The following ALDH1A2 variants were observed in gnomAD, a reference collection of about 807,000 sequenced individuals.
ALDH1A2 encodes the protein retinal dehydrogenase 2.
ALDH1A2 carries 27 observed loss-of-function variants against 60.3 expected under a neutral mutation model. The observed-to-expected ratio is 0.45, with a 90% CI of 0.33 to 0.62. ALDH1A2 has a LOEUF of 0.62. Ranked by LOEUF, ALDH1A2 falls within the 20% of genes least tolerant of loss-of-function variation. The pLI is 0.02. For synonymous variants in ALDH1A2, 289 were observed against 232.4 expected (o/e 1.24, Z -2.21); for missense variants, 581 against 643.8 (o/e 0.90, Z 1.06).
At chr15:58,058,090 G>A (rs1896940645) in intron 1 of ALDH1A2, 3 of 1,533,216 alleles carry the variant, frequency 2.0e-6, no homozygotes, top group Non-Finnish European at 1.7e-6. Context: ...GATTCTGCCA[G>A]CAAGTCCAAT....
At chr15:58,058,096 C>G (rs1216110770) in intron 1 of ALDH1A2, 1 of 1,530,818 alleles carries the variant, frequency 6.5e-7, no homozygotes, top group South Asian at 1.2e-5. Context: ...GCCAGCAAGT[C>G]CAATTTTCAC....
intron 3 of ALDH1A2, 97 bp from the exon 4 acceptor site, chr15:58,010,875 A>AAT: frequency 6.8e-7 from 1 of 1,473,578 alleles, no homozygotes; most frequent in Non-Finnish European, 9.4e-7. Context: ...AGAGAATACA[A>AAT]ATGCATATGG....
At chr15:57,960,946 C>G in intron 11 of ALDH1A2, 102 bp from the exon 12 acceptor site, 2 of 1,370,330 alleles carry the variant, frequency 1.5e-6, no homozygotes, top group Admixed American at 4.1e-5. Context: ...AAATTCCTTT[C>G]CTCCAGAGGA....
At chr15:58,041,849 C>G (rs1255760264) in intron 1 of ALDH1A2, among the ~76,000 whole-genome samples, 1 of 151,836 alleles carries the variant, frequency 6.6e-6, no homozygotes, top group African/African-American at 2.4e-5. Flanking sequence ...TACATACATA[C>G]CTAGGATCAA....
At chr15:58,017,211 A>G (rs1895813098) in intron 1 of ALDH1A2, among the ~76,000 whole-genome samples, 1 of 152,194 alleles carries the variant, frequency 6.6e-6, no homozygotes, top group South Asian at 2.1e-4. Flanking sequence ...ATCATTTAGT[A>G]TTTTGCACAA....
At position 57,980,318 on chromosome 15, in the gene ALDH1A2, T is replaced by C. The variant is rs74653267; in HGVS notation, c.798+12387A>G. 1,123 of 420,700 alleles carry C rather than the reference T, an allele frequency of 2.7e-3. 15 individuals are homozygous for C. Among genetic ancestry groups the C allele is most frequent in the African/African-American group, 0.021 (1,057 of 49,178 alleles). The allele number at this position is 420,700 out of a possible 1,614,324, so 26.1% of individuals were successfully genotyped here. ...CCTCATGTTCCCACTCTCAAACAGG[T>C]TGTTGGCCTTGAACAGGTCCATGGG... is the stretch of plus-strand genomic sequence containing the variant. On this transcript the variant is annotated intron_variant, in intron 7 of 12. Transcript: ENST00000249750.
intron 7 of ALDH1A2, among the ~76,000 whole-genome samples, chr15:57,983,169 A>C (rs537295286): frequency 6.6e-6 from 1 of 152,248 alleles, no homozygotes; most frequent in African/African-American, 2.4e-5. Flanking sequence ...TATTGAAAGG[A>C]AACAGTGAAA....
chr15:58,030,977 A>G (rs1013043566), intron 1 of ALDH1A2, among the ~76,000 whole-genome samples: 11 of 152,298 alleles, frequency 7.2e-5, no homozygotes, highest in African/African-American at 2.6e-4. Context: ...TATAGATTCA[A>G]TGCCATCCCC....
At chr15:57,956,290 G>A (rs1249654768) in intron 12 of ALDH1A2, among the ~76,000 whole-genome samples, 1 of 152,178 alleles carries the variant, frequency 6.6e-6, no homozygotes, top group Non-Finnish European at 1.5e-5. Context: ...ATATCTTCTA[G>A]ATCAGGAAAA....
At chr15:58,060,235 T>A (rs912379900) in intron 1 of ALDH1A2, among the ~76,000 whole-genome samples, 1 of 152,196 alleles carries the variant, frequency 6.6e-6, no homozygotes, top group Non-Finnish European at 1.5e-5. Context: ...GATCACATAA[T>A]TCTGATCTTC....
At chr15:57,987,422 A>C (rs1218784394) in intron 7 of ALDH1A2, among the ~76,000 whole-genome samples, 16 of 152,222 alleles carry the variant, frequency 1.1e-4, no homozygotes, top group Non-Finnish European at 1.5e-5. Flanking sequence ...GGGGGAAAAG[A>C]AACATTACTT....
intron 1 of ALDH1A2, among the ~76,000 whole-genome samples, chr15:58,049,019 C>T (rs1896707397): frequency 6.6e-6 from 1 of 151,988 alleles, no homozygotes; most frequent in African/African-American, 2.4e-5. Flanking sequence ...GATCTGCTTT[C>T]TGGCACTATA....
At chr15:58,010,932 A>G (rs1895615826) in intron 3 of ALDH1A2, among the ~76,000 whole-genome samples, 154 bp from the exon 4 acceptor site, 1 of 152,308 alleles carries the variant, frequency 6.6e-6, no homozygotes, top group African/African-American at 2.4e-5. Context: ...AAAGATTTCT[A>G]GTACTGCCAG....
intron 1 of ALDH1A2, among the ~76,000 whole-genome samples, chr15:58,061,598 AAAAAAAAAAAAC>A (rs1353486407): frequency 3.3e-4 from 48 of 143,450 alleles, no homozygotes; most frequent in African/African-American, 1.2e-3. Flanking sequence ...CTTCCCTCAA[AAAAAAAAAAAAC>A]AAAAAAAAAA....
rs1406996525 is a variant in ALDH1A2, at chr15:57,995,228, A to C, written c.494-89T>G. ...AACTTTGGTGGCTGCAAAAAAAAAA[A>C]AAAAAAAACAAACAGAAATAAACTT... On this transcript the variant is annotated intron_variant, in intron 4 of 12. Transcript: ENST00000249750. The C allele has an allele frequency of 4.5e-5, 34 of 751,950 alleles. 1 individual carries two copies. The highest frequency in any genetic ancestry group is 7.2e-5 in the Admixed American group (3 of 41,464). The allele number at this position is 751,950 out of a possible 1,614,324, so 46.6% of individuals were successfully genotyped here. A position where few individuals can be genotyped will look rare whatever the true frequency, so the allele number is the denominator to read the frequency against.
chr15:57,989,329 A>C (rs1290143638), intron 7 of ALDH1A2, among the ~76,000 whole-genome samples: 1 of 152,222 alleles, frequency 6.6e-6, no homozygotes, highest in East Asian at 1.9e-4. Flanking sequence ...CAATATGGTA[A>C]AGATAGCATT....
chr15:57,984,969 C>A (rs1366584867), intron 7 of ALDH1A2, among the ~76,000 whole-genome samples: 2 of 152,070 alleles, frequency 1.3e-5, no homozygotes, highest in East Asian at 3.9e-4. Context: ...TGGGATAAAT[C>A]CCACTTGGTC....
chr15:58,047,812 C>T (rs1446154751), intron 1 of ALDH1A2, among the ~76,000 whole-genome samples: 2 of 151,836 alleles, frequency 1.3e-5, no homozygotes, highest in African/African-American at 4.8e-5. Context: ...CACGCCAAAA[C>T]ATCTGGCTAA....
At chr15:58,044,712 T>C (rs1896597561) in intron 1 of ALDH1A2, among the ~76,000 whole-genome samples, 2 of 151,928 alleles carry the variant, frequency 1.3e-5, no homozygotes, top group African/African-American at 4.8e-5. Context: ...TTCCTAGGCA[T>C]ATTAAGGAAT....
Sources: gnomAD v4.1 joint callset for allele counts (sites outside exome capture counted in the v4.1 genomes callset) on GRCh38, gnomAD v4.1.1 for gene constraint, MANE v1.5 for transcripts, NCBI Gene and HGNC (gene_info 2026-07-23, HGNC 2026-07-21) for gene names.